Variants in KCND3 observed in about 807,000 individuals in gnomAD.
KCND3 encodes potassium voltage-gated channel subfamily D member 3.
KCND3 carries 9 observed loss-of-function variants against 51.1 expected under a neutral mutation model. The observed-to-expected ratio is 0.18, with a 90% CI of 0.11 to 0.31. KCND3 has a LOEUF of 0.31. Among genes scored for constraint, KCND3 ranks in the 10% least tolerant of loss-of-function variants. The pLI is 1.00. For synonymous variants in KCND3, 349 were observed against 368.0 expected (o/e 0.95, Z 0.59); for missense variants, 526 against 903.8 (o/e 0.58, Z 5.36).
intron 2 of KCND3, among the ~76,000 whole-genome samples, chr1:111,840,244 T>A (rs1290560815): frequency 6.6e-6 from 1 of 152,154 alleles, no homozygotes; most frequent in Non-Finnish European, 1.5e-5. Context: ...GGTTCCAACA[T>A]ATGAACTTTT....
rs1277553254 is a variant in KCND3 at position 111,851,240 on chromosome 1, A to G, written c.1107-64134T>C. ...TGATGGACATATTCCACTGACTTAT[A>G]ATGATTTTGTTTGTCCGTCTTTCCT... is the stretch of plus-strand genomic sequence containing the variant. On this transcript the variant is annotated intron_variant, in intron 2 of 7. Transcript: ENST00000302127. Among the ~76,000 whole-genome samples the G allele has an allele frequency of 2.6e-5, 4 of 152,202 alleles. No individual in the cohort carries two copies. The East Asian group carries it at 5.8e-4, about 22-fold the overall frequency.
At chr1:111,827,974 C>G (rs1666653760) in intron 2 of KCND3, among the ~76,000 whole-genome samples, 1 of 152,164 alleles carries the variant, frequency 6.6e-6, no homozygotes, top group African/African-American at 2.4e-5. Flanking sequence ...TTCCTGAATG[C>G]CATTAGTGGA....
intron 2 of KCND3, among the ~76,000 whole-genome samples, chr1:111,829,986 C>T (rs1023528883): frequency 3.9e-5 from 6 of 152,166 alleles, no homozygotes; most frequent in Admixed American, 2.0e-4. Context: ...TGTTCACTAT[C>T]GACTCTTCGG....
At chr1:111,791,810 A>T (rs1664840208) in intron 2 of KCND3, among the ~76,000 whole-genome samples, 1 of 152,228 alleles carries the variant, frequency 6.6e-6, no homozygotes, top group Non-Finnish European at 1.5e-5. Flanking sequence ...CAGCATTTTT[A>T]TTCAAATAAT....
At chr1:111,917,032 T>C (rs1671247175) in intron 2 of KCND3, among the ~76,000 whole-genome samples, 1 of 152,170 alleles carries the variant, frequency 6.6e-6, no homozygotes, top group African/African-American at 2.4e-5. Context: ...TACAATAGAC[T>C]AAAAAAGAAC....
At chr1:111,891,019 C>A (rs754785074) in intron 2 of KCND3, among the ~76,000 whole-genome samples, 5 of 152,152 alleles carry the variant, frequency 3.3e-5, no homozygotes, top group Non-Finnish European at 7.4e-5. Flanking sequence ...GGCTGCATGG[C>A]AGAGTGACTG....
chr1:111,783,713 C>T (rs951835102), intron 3 of KCND3, among the ~76,000 whole-genome samples: 1 of 152,190 alleles, frequency 6.6e-6, no homozygotes, highest in African/African-American at 2.4e-5. Context: ...AAAACCTCTA[C>T]ATGATTGTGC....
intron 2 of KCND3, among the ~76,000 whole-genome samples, chr1:111,856,599 C>A (rs976242546): frequency 6.6e-6 from 1 of 152,260 alleles, no homozygotes; most frequent in Non-Finnish European, 1.5e-5. Flanking sequence ...TCCTGAGCCT[C>A]TGCCCGACTT....
At chr1:111,787,695 G>A (rs1439921550) in intron 2 of KCND3, among the ~76,000 whole-genome samples, 2 of 152,154 alleles carry the variant, frequency 1.3e-5, no homozygotes, top group Non-Finnish European at 1.5e-5. Flanking sequence ...GGCGCCATGA[G>A]GAGTTTTAAG....
chr1:111,805,390 C>T (rs970310306), intron 2 of KCND3, among the ~76,000 whole-genome samples: 1 of 152,200 alleles, frequency 6.6e-6, no homozygotes, highest in Non-Finnish European at 1.5e-5. Context: ...CCTGGGCCAG[C>T]CTTGTCCCCT....
intron 2 of KCND3, among the ~76,000 whole-genome samples, chr1:111,895,420 A>C (rs542720750): frequency 7.2e-5 from 11 of 152,342 alleles, no homozygotes; most frequent in Admixed American, 2.6e-4. Context: ...ATAAAAATTA[A>C]ATTAAAGAAA....
rs944127411 is a variant in KCND3 at position 111,773,759 on chromosome 1, T to C, written c.*2318A>G. On this transcript the variant is annotated 3_prime_UTR_variant, in exon 8 of 8. Transcript: ENST00000302127. The stretch of plus-strand genomic sequence containing the variant: ...TATCTCTTACCCCAGTCAGATCTTA[T>C]GAAGCATAACTAAGATACTTAGACA... The C allele has an allele frequency of 6.6e-6, 1 of 152,166 alleles. No individual in the cohort carries two copies. Among genetic ancestry groups the C allele is most frequent in the Admixed American group, 6.5e-5 (1 of 15,270 alleles). The allele number at this position is 152,166 out of a possible 1,614,324, so 9.4% of individuals were successfully genotyped here.
At chr1:111,958,426 GACAA>G (rs1235142138) in intron 2 of KCND3, among the ~76,000 whole-genome samples, 1 of 152,168 alleles carries the variant, frequency 6.6e-6, no homozygotes, top group Admixed American at 6.5e-5. Context: ...GTTGGTCACT[GACAA>G]ACAAAGCAGA....
intron 2 of KCND3, among the ~76,000 whole-genome samples, chr1:111,796,322 T>C (rs1432256078): frequency 1.3e-5 from 2 of 152,094 alleles, no homozygotes; most frequent in African/African-American, 4.8e-5. Flanking sequence ...GACACATGCA[T>C]GTGAATGTTC....
rs1674675066 is a variant in KCND3 at position 111,977,089 on chromosome 1, G to A, written c.1106+4532C>T. On this transcript the variant is annotated intron_variant, in intron 2 of 7. Coordinates refer to ENST00000302127, the MANE Select transcript of KCND3 (RefSeq NM_001378969.1). ...CGTTTGTTCCCAATAGGTGTCCTAAGATCCAAGTCCCCTAGGCAGGGGCCC... is the reference window on the plus strand; with the variant it reads ...CGTTTGTTCCCAATAGGTGTCCTAAAATCCAAGTCCCCTAGGCAGGGGCCC... Among the ~76,000 whole-genome samples the A allele has an allele frequency of 3.3e-5, 5 of 152,354 alleles. No individual in the cohort carries two copies. In the South Asian group the frequency reaches 1.0e-3, roughly 32 times the overall value.
chr1:111,957,512 G>T (rs1201862820), intron 2 of KCND3, among the ~76,000 whole-genome samples: 1 of 152,034 alleles, frequency 6.6e-6, no homozygotes, highest in Non-Finnish European at 1.5e-5. Context: ...GAAACAAAAT[G>T]ACCTTTAAGG....
chr1:111,786,559 C>T lies in KCND3; in HGVS notation c.1269+385G>A, dbSNP rs142484294. Among the ~76,000 whole-genome samples, 270 of 152,192 alleles carry T rather than the reference C, an allele frequency of 1.8e-3. 2 individuals are homozygous for T. Among genetic ancestry groups the T allele is most frequent in the African/African-American group, 6.1e-3 (253 of 41,514 alleles). On this transcript the variant is annotated intron_variant, in intron 3 of 7. Transcript: ENST00000302127. ...CTTTTCAACAAATTTATTTTTGCCA[C>T]TGGGTTTTGTATAGGCTTTTATAGG...
chr1:111,831,504 C>T (rs1666831431), intron 2 of KCND3, among the ~76,000 whole-genome samples: 1 of 152,212 alleles, frequency 6.6e-6, no homozygotes, highest in South Asian at 2.1e-4. Flanking sequence ...GCTCCCTGGA[C>T]AGCCTGCAGA....
chr1:111,971,346 G>A (rs186174979), intron 2 of KCND3, among the ~76,000 whole-genome samples: 1 of 150,536 alleles, frequency 6.6e-6, no homozygotes, highest in African/African-American at 2.4e-5. Flanking sequence ...AAAAACCCTT[G>A]TTTTACTCAG....
Sources: allele counts gnomAD v4.1 joint callset (sites outside exome capture counted in the v4.1 genomes callset), GRCh38; gene constraint gnomAD v4.1.1; transcripts MANE v1.5; gene names NCBI Gene and HGNC (gene_info 2026-07-23, HGNC 2026-07-21).